TRMU: variants seen among roughly 807,000 people sequenced by gnomAD.
The protein encoded by TRMU is tRNA mitochondrial 2-thiouridylase.
In TRMU, 49 loss-of-function variants were observed where a neutral mutation model predicts 46.9. The observed-to-expected ratio is 1.05, with a 90% CI of 0.83 to 1.33. The LOEUF is 1.33. Ranked by LOEUF, TRMU falls within the 40% of genes most tolerant of loss-of-function variation. The pLI, the probability that TRMU is intolerant of heterozygous loss-of-function variation, is 0.00. For synonymous variants in TRMU, 241 were observed against 200.9 expected (o/e 1.20, Z -1.69); for missense variants, 572 against 532.4 (o/e 1.07, Z -0.73).
chr22:46,347,802 A>G lies in TRMU; in HGVS notation c.478+1258A>G, dbSNP rs993442531. Among the ~76,000 whole-genome samples, 25 of 152,226 alleles carry G rather than the reference A, an allele frequency of 1.6e-4. No homozygotes were observed. The highest frequency in any genetic ancestry group is 2.9e-4 in the Non-Finnish European group (20 of 67,990). On this transcript the variant is annotated intron_variant, in intron 4 of 10. Transcript: ENST00000645190. This position sits in a 1 kb window ranked among gnomAD's most constrained non-coding sequence, Gnocchi z 5.0. Reference sequence around the variant, plus strand: ...TTCAGTGCACTTCCGCTCACTCCCCAGCCCCTGCTGCTTCTGCTGGGTCAG... The same window carrying G: ...TTCAGTGCACTTCCGCTCACTCCCCGGCCCCTGCTGCTTCTGCTGGGTCAG...
intron 3 of TRMU, among the ~76,000 whole-genome samples, chr22:46,345,231 T>TC (rs2078221397): frequency 6.6e-6 from 1 of 152,070 alleles, no homozygotes; most frequent in South Asian, 2.1e-4. Flanking sequence ...CCAACATGTC[T>TC]AGCTAATTTT....
chr22:46,335,959 G>T, intron 1 of TRMU, 113 bp downstream of exon 1: 1 of 1,485,920 alleles, frequency 6.7e-7, no homozygotes, highest in Non-Finnish European at 8.9e-7. Flanking sequence ...CTGGTTGCGC[G>T]CGGGTCGGCA....
At position 46,351,924 on chromosome 22, in the gene TRMU, G is replaced by T. The variant is rs527671137; in HGVS notation, c.652-197G>T. 118 of 723,476 alleles carry T rather than the reference G, an allele frequency of 1.6e-4. No individual in the cohort carries two copies. Among genetic ancestry groups the T allele is most frequent in the Non-Finnish European group, 2.6e-4 (105 of 399,812 alleles). 44.8% of individuals were successfully genotyped at this position (723,476 alleles called of 1,614,324 possible). Reference sequence around the variant, plus strand: ...AGACCCCGCGGGCCGAGACAATGAGGCGTTCTCTAAGGCTCTGGCATCGTG... The same window carrying T: ...AGACCCCGCGGGCCGAGACAATGAGTCGTTCTCTAAGGCTCTGGCATCGTG... On this transcript the variant is annotated intron_variant, in intron 5 of 10. Coordinates refer to ENST00000645190, the MANE Select transcript of TRMU (RefSeq NM_018006.5). This position sits in a 1 kb window ranked among gnomAD's most constrained non-coding sequence, Gnocchi z 6.4.
At position 46,351,703 on chromosome 22, in the gene TRMU, G is replaced by T. The variant is rs552428197; in HGVS notation, c.652-418G>T. ...CCCCAGCTAGGGCAGATGTGCTTGAGGAAGGCGCCTCTCTCCTCTGACTCC... is the reference window on the plus strand; with the variant it reads ...CCCCAGCTAGGGCAGATGTGCTTGATGAAGGCGCCTCTCTCCTCTGACTCC... On this transcript the variant is annotated intron_variant, in intron 5 of 10. Coordinates refer to ENST00000645190, the MANE Select transcript of TRMU (RefSeq NM_018006.5). The surrounding 1 kb of genome is among the most constrained non-coding windows in gnomAD (Gnocchi z 6.4). The T allele has an allele frequency of 3.1e-6, 1 of 325,560 alleles. No homozygotes were observed. Among genetic ancestry groups the T allele is most frequent in the African/African-American group, 2.1e-5 (1 of 46,662 alleles). The allele number at this position is 325,560 out of a possible 1,614,324, so 20.2% of individuals were successfully genotyped here.
At position 46,357,070 on chromosome 22, in the gene TRMU, G is replaced by A; in HGVS notation, c.*64G>A. 1.9e-6 allele frequency: 3 copies of A among 1,603,464 alleles called. No homozygotes were observed. Among genetic ancestry groups the A allele is most frequent in the South Asian group, 1.1e-5 (1 of 90,300 alleles). On this transcript the variant is annotated 3_prime_UTR_variant, in exon 11 of 11. Coordinates refer to ENST00000645190, the MANE Select transcript of TRMU (RefSeq NM_018006.5). Reference sequence around the variant, plus strand: ...CCCATGGCTGGGCGGCTGGTGAGCAGTCCAGGTGCCCAAGGGCCAGCTTGC... The same window carrying A: ...CCCATGGCTGGGCGGCTGGTGAGCAATCCAGGTGCCCAAGGGCCAGCTTGC...
At chr22:46,337,370 TTATATC>T (rs1407137075) in intron 1 of TRMU, among the ~76,000 whole-genome samples, 1 of 152,206 alleles carries the variant, frequency 6.6e-6, no homozygotes, top group Non-Finnish European at 1.5e-5. Context: ...TTAATTATCT[TTATATC>T]TGATCACTTA....
chr22:46,354,289 G>C (rs1254366598), intron 8 of TRMU: 1 of 262,788 alleles, frequency 3.8e-6, no homozygotes, highest in Admixed American at 4.9e-5. Context: ...TTCCACCACA[G>C]TGGGGACCTT....
At chr22:46,354,644 TCTC>T (rs2078541461) in intron 8 of TRMU, 1 of 152,576 alleles carries the variant, frequency 6.6e-6, no homozygotes, top group African/African-American at 2.4e-5. Context: ...TTCCAGGACA[TCTC>T]CTTACTAGGA....
At chr22:46,340,511 A>G (rs930470330) in intron 2 of TRMU, among the ~76,000 whole-genome samples, 4 of 141,090 alleles carry the variant, frequency 2.8e-5, no homozygotes, top group African/African-American at 1.3e-4. Flanking sequence ...GCAAATTAGG[A>G]GCGGAGCTGG....
chr22:46,352,463 C>CCGGGGG, intron 7 of TRMU, 133 bp downstream of exon 7: 1 of 1,120,538 alleles, frequency 8.9e-7, no homozygotes, highest in Non-Finnish European at 1.3e-6. Context: ...TGTGGGGCGG[C>CCGGGGG]CGGGGGCGGG....
intron 7 of TRMU, chr22:46,352,606 A>G: frequency 1.8e-6 from 1 of 541,424 alleles, no homozygotes; most frequent in Non-Finnish European, 3.3e-6. Context: ...GTTACGTATC[A>G]AGTCCCTGTA....
rs938475644 is a variant in TRMU, at chr22:46,351,207, G to A, written c.651+744G>A. 1.3e-5 allele frequency among the ~76,000 whole-genome samples: 2 copies of A among 152,172 alleles called. No individual in the cohort carries two copies. The highest frequency in any genetic ancestry group is 4.8e-5 in the African/African-American group (2 of 41,456). On this transcript the variant is annotated intron_variant, in intron 5 of 10. Transcript: ENST00000645190. The surrounding 1 kb of genome is among the most constrained non-coding windows in gnomAD (Gnocchi z 6.4). ...AACGGCAGTGCAAAGGCCTTGAGGC[G>A]AGGAGAAGCCAGGGAGCCGCTGTGG...
chr22:46,354,385 G>A (rs2078532005), intron 8 of TRMU: 1 of 174,054 alleles, frequency 5.7e-6, no homozygotes. Flanking sequence ...GTGTCTAGAG[G>A]CATTTTTGGT....
In TRMU at chr22:46,348,605, G is replaced by A. The variant is rs2078321649; in HGVS notation, c.479-1686G>A. ...CCGGCCTGGCAGAGCCAGCACGGCA[G>A]CCGGCGTGTCAGTGAGGCTCCAGCA... On this transcript the variant is annotated intron_variant, in intron 4 of 10. Coordinates refer to ENST00000645190, the MANE Select transcript of TRMU (RefSeq NM_018006.5). The surrounding 1 kb of genome is among the most constrained non-coding windows in gnomAD (Gnocchi z 4.8). Among the ~76,000 whole-genome samples the A allele has an allele frequency of 6.6e-6, 1 of 152,256 alleles. No individual in the cohort carries two copies. Among genetic ancestry groups the A allele is most frequent in the South Asian group, 2.1e-4 (1 of 4,832 alleles).
Position 46,351,996 on chromosome 22 carries a change from C to T in TRMU, c.652-125C>T, listed in dbSNP as rs555766135. On this transcript the variant is annotated intron_variant, in intron 5 of 10. Coordinates refer to ENST00000645190, the MANE Select transcript of TRMU (RefSeq NM_018006.5). The surrounding 1 kb of genome is among the most constrained non-coding windows in gnomAD (Gnocchi z 6.4). The stretch of plus-strand genomic sequence containing the variant: ...CCGAGGGTGCCGGTGGGCAGCCGGG[C>T]CCCTACCCTGGAAGCAAAGTGTGGG... 7 of 1,085,428 alleles carry T rather than the reference C, an allele frequency of 6.4e-6. No individual in the cohort carries two copies. The African/African-American group carries it at 9.2e-5, about 14-fold the overall frequency. 67.2% of individuals were successfully genotyped at this position (1,085,428 alleles called of 1,614,324 possible).
In TRMU at chr22:46,346,531, T is replaced by G; in HGVS notation, c.465T>G (p.Phe155Leu). 6.2e-7 allele frequency: 1 copy of G among 1,611,694 alleles called. No homozygotes were observed. The highest frequency in any genetic ancestry group is 8.5e-7 in the Non-Finnish European group (1 of 1,178,468). Residue 155 changes from phenylalanine (F) to leucine (L), a missense_variant, in exon 4 of 11, where the codon TTT becomes TTG. Physicochemically the swap from Phe to Leu is conservative, Grantham distance 22. Coordinates refer to ENST00000645190, the MANE Select transcript of TRMU (RefSeq NM_018006.5). The part of the protein sequence containing the change: ...KKPEGLFRNR[F>L]EVRNAVKLLQ... The stretch of plus-strand genomic sequence containing the variant: ...CCGAAGGGCTTTTCAGAAATCGGTT[T>G]GAAGTTAGAAATGGTAAGTTCATGT...
In TRMU at chr22:46,349,779, C is replaced by T. The variant is rs1569076868; in HGVS notation, c.479-512C>T. ...ACGTTTTTACCAAGAAAGCTAATGC[C>T]TTCACAGGTAGGGCGCTGCTGGAGG... On this transcript the variant is annotated intron_variant, in intron 4 of 10. Coordinates refer to ENST00000645190, the MANE Select transcript of TRMU (RefSeq NM_018006.5). This position sits in a 1 kb window ranked among gnomAD's most constrained non-coding sequence, Gnocchi z 4.6. Among the ~76,000 whole-genome samples, 1 of 152,204 alleles carries T rather than the reference C, an allele frequency of 6.6e-6. No individual in the cohort carries two copies. The highest frequency in any genetic ancestry group is 1.5e-5 in the Non-Finnish European group (1 of 68,034).
rs900939112 is a variant in TRMU, at chr22:46,342,434, T to A, written c.249-828T>A. 4.6e-5 allele frequency among the ~76,000 whole-genome samples: 7 copies of A among 152,198 alleles called. No homozygotes were observed. Among genetic ancestry groups the A allele is most frequent in the Non-Finnish European group, 1.5e-5 (1 of 68,038 alleles). Reference sequence around the variant, plus strand: ...CACAAGTGTAGCTGTGCAGAAGCTCTCTGAACCCAGTACTCCTGGGTTTTT... The same window carrying A: ...CACAAGTGTAGCTGTGCAGAAGCTCACTGAACCCAGTACTCCTGGGTTTTT... On this transcript the variant is annotated intron_variant, in intron 2 of 10. Coordinates refer to ENST00000645190, the MANE Select transcript of TRMU (RefSeq NM_018006.5). The surrounding 1 kb of genome is among the most constrained non-coding windows in gnomAD (Gnocchi z 4.7).
At chr22:46,354,272 C>T (rs2147106250) in intron 8 of TRMU, 1 of 285,184 alleles carries the variant, frequency 3.5e-6, no homozygotes, top group East Asian at 9.0e-5. Flanking sequence ...CAGGATCAAA[C>T]CAAGCCTTCC....
Sources: gnomAD v4.1 joint callset for allele counts (sites outside exome capture counted in the v4.1 genomes callset) on GRCh38, gnomAD v4.1.1 for gene constraint, Gnocchi (gnomAD v3.1) non-coding constraint, MANE v1.5 for transcripts, NCBI Gene and HGNC (gene_info 2026-07-23, HGNC 2026-07-21) for gene names.